Variants in MRPL40 observed in about 807,000 individuals in gnomAD.
MRPL40 encodes the protein mitochondrial ribosomal protein L40, also known as large ribosomal subunit protein mL40.
A neutral mutation model predicts 24.5 loss-of-function variants in MRPL40; 18 were observed. That is an observed-to-expected ratio of 0.73 (90% CI 0.51 to 1.09). MRPL40 has a LOEUF of 1.09. Among genes scored for constraint, MRPL40 ranks in the 50% least tolerant of loss-of-function variants. The pLI is 0.00. For synonymous variants in MRPL40, 108 were observed against 94.6 expected (o/e 1.14, Z -0.82); for missense variants, 256 against 243.8 (o/e 1.05, Z -0.33).
Position 19,435,948 on chromosome 22 carries a change from G to C in MRPL40, c.607G>C (p.Glu203Gln). 1.9e-6 allele frequency: 3 copies of C among 1,612,822 alleles called. No homozygotes were observed. Among genetic ancestry groups the C allele is most frequent in the Non-Finnish European group, 2.5e-6 (3 of 1,178,990 alleles). Residue 203 changes from glutamate to glutamine, a missense_variant, in exon 4 of 4, where the codon GAG becomes CAG. Physicochemically the swap from Glu to Gln is conservative, Grantham distance 29. Coordinates refer to ENST00000333130, the MANE Select transcript of MRPL40 (RefSeq NM_003776.4). ...NDITKVYTQV[E>Q]FKR ...CATCACCAAGGTGTACACACAAGTG[G>C]AGTTTAAGAGATAGACTTGCAGGCT... is the stretch of plus-strand genomic sequence containing the variant.
intron 2 of MRPL40, among the ~76,000 whole-genome samples, chr22:19,433,914 T>C (rs1236109813): frequency 6.6e-6 from 1 of 151,306 alleles, no homozygotes; most frequent in Admixed American, 6.6e-5. Flanking sequence ...AGGCGCCCAC[T>C]ACCACGCCCG....
rs1450956213 is a variant in MRPL40 at position 19,433,344 on chromosome 22, A to AT, written c.134dup (p.Met45IlefsTer15). The AT allele has an allele frequency of 6.2e-7, 1 of 1,604,410 alleles. No homozygotes were observed. Among genetic ancestry groups the AT allele is most frequent in the Admixed American group, 1.7e-5 (1 of 59,992 alleles). On this transcript the variant is annotated frameshift_variant, in exon 2 of 4. Transcript: ENST00000333130. LOFTEE classifies it high-confidence loss of function. ...GTTGTCTTTCTGGGAACTCATTCCC[A>AT]TGAGGTAAAACTCAATCGAGGGCCT...
rs756979800 is a variant in MRPL40 at position 19,434,815 on chromosome 22, C to T, written c.217C>T (p.Arg73Ter). 3.7e-6 allele frequency: 6 copies of T among 1,612,206 alleles called. No homozygotes were observed. The highest frequency in any genetic ancestry group is 4.5e-5 in the East Asian group (2 of 44,886). Reference protein sequence around the residue: ...EAKERLKRKIRKLEKATQELI... With the variant: ...EAKERLKRKI Reference sequence around the variant, plus strand: ...AAAGGAGCGCTTGAAAAGGAAGATCCGAAAACTGGAAAAGGCTACTCAAGA... The same window carrying T: ...AAAGGAGCGCTTGAAAAGGAAGATCTGAAAACTGGAAAAGGCTACTCAAGA... Residue 73 changes from arginine (R) to a stop codon, truncating the protein, a stop_gained, in exon 3 of 4, where the codon CGA (arginine) becomes TGA (stop). Coordinates refer to ENST00000333130, the MANE Select transcript of MRPL40 (RefSeq NM_003776.4). LOFTEE classifies it high-confidence loss of function.
Position 19,432,586 on chromosome 22 carries a change from T to G in MRPL40, c.32T>G (p.Leu11Arg). 6.4e-7 allele frequency: 1 copy of G among 1,553,938 alleles called. No individual in the cohort carries two copies. Among genetic ancestry groups the G allele is most frequent in the Non-Finnish European group, 8.7e-7 (1 of 1,150,176 alleles). The change falls in exon 1 of 4, where the codon CTA becomes CGA. Residue 11 changes from leucine (L) to arginine (R), a missense_variant. Physicochemically the swap from Leu to Arg is moderately radical, Grantham distance 102. Coordinates refer to ENST00000333130, the MANE Select transcript of MRPL40 (RefSeq NM_003776.4). The stretch of plus-strand genomic sequence containing the variant: ...GCCTCCGTGCTGCGAAGTATCTCGC[T>G]AGCCCTGCGCCCGACTAGCGGGTGA... MTASVLRSISLALRPTSGLLG... is the reference protein window; with the variant it reads MTASVLRSISRALRPTSGLLG...
rs778609299 is a variant in MRPL40 at position 19,433,285 on chromosome 22, C to T, written c.74C>T (p.Thr25Met). The change falls in exon 2 of 4, where the codon ACG becomes ATG. Residue 25 changes from threonine to methionine, a missense_variant. Transcript: ENST00000333130. ...TTCAGGCTTCTGGGAACTTGGCAGA[C>T]GCAGCTTAGAGAGACTCACCAGCGA... The part of the protein sequence containing the change: ...PTSGLLGTWQ[T>M]QLRETHQRAS... The T allele has an allele frequency of 1.9e-6, 3 of 1,612,172 alleles. No individual in the cohort carries two copies. Among genetic ancestry groups the T allele is most frequent in the Admixed American group, 1.7e-5 (1 of 60,004 alleles).
chr22:19,434,276 G>A (rs1467573666), intron 2 of MRPL40, among the ~76,000 whole-genome samples: 2 of 138,084 alleles, frequency 1.4e-5, no homozygotes, highest in Non-Finnish European at 3.0e-5. Context: ...AAGCTGGAGT[G>A]CAGTGGCGCG....
Position 19,435,832 on chromosome 22 carries a change from G to C in MRPL40, c.491G>C (p.Arg164Pro). The change falls in exon 4 of 4, where the codon CGG (arginine) becomes CCG (proline). Residue 164 changes from arginine (R) to proline (P), a missense_variant. Transcript: ENST00000333130. ...AAGCTCCATGCTGAGGCCATCAAGC[G>C]GGATCCTAACCTGTTCCCCTTTGAG... The part of the protein sequence containing the change: ...SPKLHAEAIK[R>P]DPNLFPFEKE... 6.2e-7 allele frequency: 1 copy of C among 1,614,134 alleles called. No homozygotes were observed. Among genetic ancestry groups the C allele is most frequent in the South Asian group, 1.1e-5 (1 of 91,086 alleles).
At chr22:19,434,123 CTTT>C (rs1569319506) in intron 2 of MRPL40, among the ~76,000 whole-genome samples, 1 of 151,378 alleles carries the variant, frequency 6.6e-6, no homozygotes, top group African/African-American at 2.4e-5. Flanking sequence ...GGTATTTTCA[CTTT>C]TGAGTGTAAT....
intron 2 of MRPL40, among the ~76,000 whole-genome samples, chr22:19,433,767 T>C (rs2089567748): frequency 1.3e-5 from 2 of 150,436 alleles, no homozygotes; most frequent in African/African-American, 4.9e-5. Flanking sequence ...GGATTTGATT[T>C]TTCTTTTTTT....
chr22:19,433,491 G>A (rs983501680), intron 2 of MRPL40, 143 bp downstream of exon 2: 23 of 563,164 alleles, frequency 4.1e-5, no homozygotes, highest in African/African-American at 4.0e-4. Context: ...ATGCTTTTCT[G>A]TTTTTCCAAC....
In MRPL40 at chr22:19,435,691, T is replaced by C. The variant is rs143283398; in HGVS notation, c.350T>C (p.Leu117Pro). ...GAGGAGACTGAGAGGAGAGCTCTGC[T>C]TCTGAAGAAGTGGTCCTTGTACAAG... ...TFEETERRAL[L>P]LKKWSLYKQQ... Residue 117 changes from leucine to proline, a missense_variant, in exon 4 of 4, where the codon CTT becomes CCT. Leu to Pro is a moderately conservative substitution (Grantham distance 98). Transcript: ENST00000333130. 1.0e-4 allele frequency: 165 copies of C among 1,614,016 alleles called. No homozygotes were observed. The highest frequency in any genetic ancestry group is 1.3e-4 in the Non-Finnish European group (152 of 1,180,032).
At chr22:19,433,374 T>C in intron 2 of MRPL40, 26 bp downstream of exon 2, 4 of 1,422,958 alleles carry the variant, frequency 2.8e-6, no homozygotes, top group Non-Finnish European at 4.0e-6. Context: ...GGGCCTGACC[T>C]CTGGGGGTAA....
At chr22:19,433,068 A>C (rs9606016) in intron 1 of MRPL40, 197 bp from the exon 2 acceptor site, 21,138 of 512,240 alleles carry the variant, frequency 0.041, 847 homozygotes, top group South Asian at 0.13. Context: ...CTCGGATTAC[A>C]GGCGCCCAAC....
Position 19,433,312 on chromosome 22 carries a change from C to A in MRPL40, c.101C>A (p.Ala34Glu), listed in dbSNP as rs1167467473. The stretch of plus-strand genomic sequence containing the variant: ...CAGCTTAGAGAGACTCACCAGCGAG[C>A]GTCATTGTTGTCTTTCTGGGAACTC... ...QTQLRETHQR[A>E]SLLSFWELIP... is the part of the protein sequence containing the mutation. Residue 34 changes from alanine (A) to glutamate (E), a missense_variant, in exon 2 of 4, where the codon GCG becomes GAG. Transcript: ENST00000333130. The A allele has an allele frequency of 1.9e-6, 3 of 1,612,844 alleles. No homozygotes were observed. The highest frequency in any genetic ancestry group is 2.7e-5 in the African/African-American group (2 of 75,000).
In MRPL40 at chr22:19,432,602, T is replaced by C. The variant is rs1229520609; in HGVS notation, c.48T>C (p.Thr16=). The change falls in exon 1 of 4, where the codon ACT becomes ACC. Residue 16 remains threonine (T), a synonymous_variant. Transcript: ENST00000333130. ...LRSISLALRP[T]SGLLGTWQTQ... ...GTATCTCGCTAGCCCTGCGCCCGAC[T>C]AGCGGGTGAGTGCGGACGCTGGCCG... is the stretch of plus-strand genomic sequence containing the variant. The C allele has an allele frequency of 6.4e-7, 1 of 1,553,550 alleles. No homozygotes were observed. Among genetic ancestry groups the C allele is most frequent in the Admixed American group, 1.9e-5 (1 of 51,844 alleles).
Position 19,434,614 on chromosome 22 carries a change from A to T in MRPL40, c.138-122A>T, listed in dbSNP as rs554232929. 5 of 718,802 alleles carry T rather than the reference A, an allele frequency of 7.0e-6. No individual in the cohort carries two copies. The South Asian group carries it at 1.0e-4, about 14-fold the overall frequency. 44.5% of individuals were successfully genotyped at this position (718,802 alleles called of 1,614,324 possible). ...ACCTCCTCACCACGCTGAGCTCATG[A>T]GTTAGTCATGCACAGCTCCTTCCCC... On this transcript the variant is annotated intron_variant, in intron 2 of 3. Coordinates refer to ENST00000333130, the MANE Select transcript of MRPL40 (RefSeq NM_003776.4).
chr22:19,434,197 G>T (rs1261806621), intron 2 of MRPL40, among the ~76,000 whole-genome samples: 1 of 148,118 alleles, frequency 6.8e-6, no homozygotes, highest in African/African-American at 2.5e-5. Flanking sequence ...ATACCCTGAT[G>T]CCTCTTGTTG....
At chr22:19,433,383 A>G (rs2089563289) in intron 2 of MRPL40, 35 bp downstream of exon 2, 2 of 1,302,466 alleles carry the variant, frequency 1.5e-6, no homozygotes, top group African/African-American at 1.5e-5. Context: ...CTCTGGGGGT[A>G]AAGGTGTCAG....
At chr22:19,435,603 GC>G (rs750113318) in intron 3 of MRPL40, 34 bp from the exon 4 acceptor site, 2 of 1,573,140 alleles carry the variant, frequency 1.3e-6, no homozygotes, top group Non-Finnish European at 1.7e-6. Context: ...AGACTTACAT[GC>G]CAGTGAGATT....
Sources: gnomAD v4.1 joint callset for allele counts (sites outside exome capture counted in the v4.1 genomes callset) on GRCh38, gnomAD v4.1.1 for gene constraint, MANE v1.5 for transcripts, NCBI Gene and HGNC (gene_info 2026-07-23, HGNC 2026-07-21) for gene names.